The following SETBP1 variants were observed in gnomAD, a reference collection of about 807,000 sequenced individuals.
The protein encoded by SETBP1 is SET-binding protein.
SETBP1 carries 9 observed loss-of-function variants against 101.0 expected under a neutral mutation model. That is an observed-to-expected ratio of 0.09 (90% confidence interval 0.05 to 0.16). The LOEUF (loss-of-function observed/expected upper bound fraction) is 0.16, where lower values mean the gene tolerates loss of function less well. Ranked by LOEUF, SETBP1 falls within the 10% of genes least tolerant of loss-of-function variation. The probability of loss-of-function intolerance (pLI) is 1.00; values close to 1 mark genes in which losing one functional copy is unlikely to be tolerated. For synonymous variants in SETBP1, 818 were observed against 788.5 expected (o/e 1.04, Z -0.63); for missense variants, 1,858 against 2,033.8 (o/e 0.91, Z 1.66).
chr18:44,704,992 AG>A (rs2069188930), intron 2 of SETBP1, among the ~76,000 whole-genome samples: 1 of 152,110 alleles, frequency 6.6e-6, no homozygotes, highest in South Asian at 2.1e-4. Context: ...GATTCCTACT[AG>A]GGAGTCACCT....
At chr18:44,882,444 T>C (rs2069550572) in intron 3 of SETBP1, among the ~76,000 whole-genome samples, 1 of 151,892 alleles carries the variant, frequency 6.6e-6, no homozygotes. Context: ...GGGCCACAGC[T>C]TGAAGGAGAA....
chr18:44,849,207 G>A (rs1439373074), intron 2 of SETBP1, among the ~76,000 whole-genome samples: 1 of 152,080 alleles, frequency 6.6e-6, no homozygotes, highest in Non-Finnish European at 1.5e-5. Context: ...AAATATCTCG[G>A]GACCTTTTAG....
chr18:44,868,419 G>A (rs370061113), intron 2 of SETBP1, among the ~76,000 whole-genome samples: 157 of 152,180 alleles, frequency 1.0e-3, no homozygotes, highest in African/African-American at 3.7e-3. Flanking sequence ...AAATGGTCGG[G>A]TGCAGTGGCT....
chr18:45,057,686 C>A (rs1262892998), intron 5 of SETBP1, among the ~76,000 whole-genome samples: 1 of 152,194 alleles, frequency 6.6e-6, no homozygotes, highest in Non-Finnish European at 1.5e-5. Context: ...AACATCTTTC[C>A]ACCTCCCCTT....
chr18:44,769,756 C>T (rs1229432530), intron 2 of SETBP1, among the ~76,000 whole-genome samples: 1 of 152,210 alleles, frequency 6.6e-6, no homozygotes, highest in Non-Finnish European at 1.5e-5. Context: ...CATGAAGTGC[C>T]ACCTTTCTGT....
intron 4 of SETBP1, among the ~76,000 whole-genome samples, chr18:45,030,600 T>G (rs1246580777): frequency 4.0e-5 from 6 of 150,478 alleles, no homozygotes; most frequent in Non-Finnish European, 7.4e-5. Context: ...TAGTTCCTCC[T>G]TGTACCTCCG....
intron 2 of SETBP1, among the ~76,000 whole-genome samples, chr18:44,775,555 A>C (rs2070981141): frequency 2.0e-5 from 3 of 152,152 alleles, no homozygotes; most frequent in African/African-American, 7.2e-5. Flanking sequence ...GAAATGAATA[A>C]AATATAATTT....
intron 5 of SETBP1, among the ~76,000 whole-genome samples, chr18:45,041,221 C>T (rs1025847905): frequency 1.3e-5 from 2 of 152,166 alleles, no homozygotes; most frequent in Non-Finnish European, 2.9e-5. Context: ...ATATGGACTT[C>T]TACTTCTTTT....
chr18:44,865,936 G>A (rs756958135), intron 2 of SETBP1, among the ~76,000 whole-genome samples: 2 of 152,168 alleles, frequency 1.3e-5, no homozygotes, highest in Non-Finnish European at 2.9e-5. Flanking sequence ...AAGGAATCCA[G>A]ATAGAAGTTA....
At chr18:44,699,099 G>T (rs1326577465) in intron 1 of SETBP1, among the ~76,000 whole-genome samples, 1 of 151,960 alleles carries the variant, frequency 6.6e-6, no homozygotes, top group Non-Finnish European at 1.5e-5. Context: ...TCCCTACTCT[G>T]GTTCAAAGGT....
In SETBP1 at chr18:44,931,805, G is replaced by A. The variant is rs139525329; in HGVS notation, c.541-18076G>A. Among the ~76,000 whole-genome samples, 74 of 151,982 alleles carry A rather than the reference G, an allele frequency of 4.9e-4. No individual in the cohort carries two copies. In the East Asian group the frequency reaches 0.012, roughly 25 times the overall value. On this transcript the variant is annotated intron_variant, in intron 3 of 5. Coordinates refer to ENST00000649279, the MANE Select transcript of SETBP1 (RefSeq NM_015559.3). Reference sequence around the variant, plus strand: ...TCCATTTGCTTGGTAGATCTTCCTCGATCCCTTCATTTTGAGCCTATATGT... The same window carrying A: ...TCCATTTGCTTGGTAGATCTTCCTCAATCCCTTCATTTTGAGCCTATATGT...
intron 3 of SETBP1, among the ~76,000 whole-genome samples, chr18:44,888,230 G>C (rs1301029078): frequency 6.6e-6 from 1 of 152,074 alleles, no homozygotes; most frequent in African/African-American, 2.4e-5. Context: ...GTGAGAAATA[G>C]AGCTAATAAA....
intron 2 of SETBP1, among the ~76,000 whole-genome samples, chr18:44,752,053 T>C (rs540864207): frequency 2.6e-5 from 4 of 152,190 alleles, no homozygotes; most frequent in Admixed American, 1.3e-4. Context: ...TTTCAACATA[T>C]GGATTTCAAC....
intron 2 of SETBP1, among the ~76,000 whole-genome samples, chr18:44,845,842 G>A (rs557279346): frequency 3.5e-4 from 54 of 152,340 alleles, no homozygotes; most frequent in East Asian, 2.9e-3. Flanking sequence ...GGAGGGAATC[G>A]ATGTAGAAAT....
intron 2 of SETBP1, among the ~76,000 whole-genome samples, chr18:44,804,804 G>A (rs1357807914): frequency 6.6e-6 from 1 of 152,078 alleles, no homozygotes; most frequent in Admixed American, 6.6e-5. Context: ...ACGTGGGATG[G>A]TGATTTCTGA....
intron 4 of SETBP1, among the ~76,000 whole-genome samples, chr18:44,977,660 T>A (rs1377197023): frequency 6.6e-6 from 1 of 152,224 alleles, no homozygotes; most frequent in Non-Finnish European, 1.5e-5. Context: ...GAAGTTACAA[T>A]CTTGTTTCCC....
chr18:44,781,765 C>T (rs148264164), intron 2 of SETBP1, among the ~76,000 whole-genome samples: 82 of 152,322 alleles, frequency 5.4e-4, no homozygotes, highest in African/African-American at 1.9e-3. Flanking sequence ...AACCTGGGTT[C>T]TCTTCCCATG....
At chr18:44,907,351 G>A (rs1042588634) in intron 3 of SETBP1, among the ~76,000 whole-genome samples, 4 of 152,110 alleles carry the variant, frequency 2.6e-5, no homozygotes, top group Admixed American at 6.6e-5. Flanking sequence ...TATGTTTTCA[G>A]TTCTCTTGGG....
Position 44,886,043 on chromosome 18 carries a change from C to T in SETBP1, c.540+16760C>T, listed in dbSNP as rs182363745. On this transcript the variant is annotated intron_variant, in intron 3 of 5. Coordinates refer to ENST00000649279, the MANE Select transcript of SETBP1 (RefSeq NM_015559.3). ...GGATAGCTTGGCTGCAACATATAGT[C>T]GGATGGTTTGGGAAGGACAAAAGTC... is the stretch of plus-strand genomic sequence containing the variant. 9.2e-5 allele frequency among the ~76,000 whole-genome samples: 14 copies of T among 151,930 alleles called. No individual in the cohort carries two copies. The East Asian group carries it at 2.1e-3, about 23-fold the overall frequency.
Sources: allele counts gnomAD v4.1 joint callset (sites outside exome capture counted in the v4.1 genomes callset), GRCh38; gene constraint gnomAD v4.1.1; transcripts MANE v1.5; gene names NCBI Gene and HGNC (gene_info 2026-07-23, HGNC 2026-07-21).